The following DLG2 variants were observed in gnomAD, a reference collection of about 807,000 sequenced individuals.
DLG2 encodes the protein disks large homolog 2.
DLG2 carries 45 observed loss-of-function variants against 132.5 expected under a neutral mutation model. The ratio of observed to expected loss-of-function variants is 0.34; its 90% CI spans 0.27 to 0.44. The LOEUF (loss-of-function observed/expected upper bound fraction) is 0.44. DLG2 is among the 20% of genes least tolerant of loss of function. DLG2 has a pLI of 1.00. For missense variants in DLG2, 1,045 were observed against 1,196.9 expected (o/e 0.87, Z 1.87); for synonymous variants, 424 against 419.6 (o/e 1.01, Z -0.13).
At chr11:85,483,306 G>A (rs1032325417) in intron 3 of DLG2, among the ~76,000 whole-genome samples, 1 of 151,792 alleles carries the variant, frequency 6.6e-6, no homozygotes, top group Admixed American at 6.6e-5. Context: ...GTGAGATGAT[G>A]TATTCAAAGT....
intron 6 of DLG2, chr11:84,762,185 C>A (rs1473712114): frequency 6.6e-6 from 1 of 152,118 alleles, no homozygotes; most frequent in Non-Finnish European, 1.5e-5. Context: ...AATAAAAATG[C>A]AATTGCTAAA....
intron 18 of DLG2, among the ~76,000 whole-genome samples, chr11:83,691,072 C>T (rs1006304763): frequency 1.3e-5 from 2 of 152,166 alleles, no homozygotes; most frequent in Admixed American, 6.5e-5. Context: ...GACATGTGCA[C>T]GTTGCAGCTT....
At chr11:83,776,722 C>A (rs1192092385) in intron 18 of DLG2, among the ~76,000 whole-genome samples, 1 of 152,220 alleles carries the variant, frequency 6.6e-6, no homozygotes, top group Non-Finnish European at 1.5e-5. Context: ...CATCCTCTCT[C>A]CTTCAGATAC....
chr11:84,978,487 C>T (rs551213786), intron 6 of DLG2, among the ~76,000 whole-genome samples: 2 of 151,950 alleles, frequency 1.3e-5, no homozygotes, highest in East Asian at 1.9e-4. Flanking sequence ...CAGAACAGAG[C>T]CCTCAGAAAT....
chr11:83,522,812 C>A (rs11825698), intron 21 of DLG2, among the ~76,000 whole-genome samples: 2 of 136,048 alleles, frequency 1.5e-5, no homozygotes, highest in Non-Finnish European at 3.2e-5. Flanking sequence ...GAGCCCCCCC[C>A]CCCTTTTTTT....
intron 6 of DLG2, among the ~76,000 whole-genome samples, chr11:84,763,662 A>C (rs1002941814): frequency 6.6e-6 from 1 of 152,114 alleles, no homozygotes; most frequent in African/African-American, 2.4e-5. Flanking sequence ...CCAACTTCTC[A>C]ATTGGCTCCT....
intron 6 of DLG2, among the ~76,000 whole-genome samples, chr11:84,618,307 C>CA (rs2099608045): frequency 6.6e-6 from 1 of 151,932 alleles, no homozygotes. Context: ...GCAACATGAT[C>CA]AAAATCTATA....
chr11:85,270,749 G>A (rs1474721080), intron 4 of DLG2, among the ~76,000 whole-genome samples: 1 of 152,208 alleles, frequency 6.6e-6, no homozygotes, highest in Non-Finnish European at 1.5e-5. Context: ...TTAGCAAAGA[G>A]ACTGGCAGCA....
chr11:84,548,228 G>C (rs1395868380), intron 6 of DLG2, among the ~76,000 whole-genome samples: 2 of 152,114 alleles, frequency 1.3e-5, no homozygotes, highest in Non-Finnish European at 2.9e-5. Context: ...AGTCAGAGCA[G>C]CTACGGAAGC....
intron 18 of DLG2, among the ~76,000 whole-genome samples, chr11:83,641,030 T>C (rs2066347294): frequency 6.6e-6 from 1 of 152,170 alleles, no homozygotes; most frequent in African/African-American, 2.4e-5. Context: ...CCTACCCCCA[T>C]ACATTGTTGT....
chr11:84,685,712 CT>C (rs767748974), intron 6 of DLG2, among the ~76,000 whole-genome samples: 47 of 146,620 alleles, frequency 3.2e-4, no homozygotes, highest in East Asian at 1.0e-3. Flanking sequence ...TTTCTGTATC[CT>C]TTTTTTTTTT....
intron 3 of DLG2, among the ~76,000 whole-genome samples, chr11:85,395,724 G>C: frequency 1.0e-5 from 1 of 97,582 alleles, no homozygotes; most frequent in African/African-American, 3.1e-5. Context: ...CCATTGCTGA[G>C]GCTTGAGTAG....
At chr11:84,288,315 A>T (rs2097938255) in intron 7 of DLG2, among the ~76,000 whole-genome samples, 1 of 152,004 alleles carries the variant, frequency 6.6e-6, no homozygotes, top group Admixed American at 6.6e-5. Context: ...TTAATAAATA[A>T]ATGTTAGCTA....
At chr11:84,051,340 C>T (rs986774145) in intron 11 of DLG2, among the ~76,000 whole-genome samples, 2 of 151,814 alleles carry the variant, frequency 1.3e-5, no homozygotes, top group Non-Finnish European at 2.9e-5. Flanking sequence ...TTTATTGTGG[C>T]ACTATTCACA....
chr11:84,571,190 T>C (rs2154527756), intron 6 of DLG2, among the ~76,000 whole-genome samples: 1 of 152,232 alleles, frequency 6.6e-6, no homozygotes, highest in Non-Finnish European at 1.5e-5. Context: ...TTTTGAACAG[T>C]TGTTTTCTGC....
At chr11:84,711,209 G>T (rs981022967) in intron 6 of DLG2, among the ~76,000 whole-genome samples, 3 of 151,454 alleles carry the variant, frequency 2.0e-5, no homozygotes, top group South Asian at 2.1e-4. Flanking sequence ...TTGCGTTTAT[G>T]ATTTATCAGC....
At chr11:83,576,833 T>C (rs914892456) in intron 19 of DLG2, among the ~76,000 whole-genome samples, 4 of 152,172 alleles carry the variant, frequency 2.6e-5, no homozygotes, top group Non-Finnish European at 5.9e-5. Context: ...TCTGGATATA[T>C]ATAAAGGAAG....
chr11:85,620,324 C>G (rs1237320456), intron 2 of DLG2, among the ~76,000 whole-genome samples: 5 of 152,308 alleles, frequency 3.3e-5, no homozygotes, highest in Non-Finnish European at 5.9e-5. Context: ...CTCCTCAGGT[C>G]CCCCTATTCC....
intron 6 of DLG2, among the ~76,000 whole-genome samples, chr11:84,827,178 G>A (rs1359573482): frequency 6.6e-6 from 1 of 151,664 alleles, no homozygotes; most frequent in African/African-American, 2.4e-5. Context: ...ATTGACCAAA[G>A]TCACACAGAT....
Sources: gnomAD v4.1 joint callset for allele counts (sites outside exome capture counted in the v4.1 genomes callset) on GRCh38, gnomAD v4.1.1 for gene constraint, MANE v1.5 for transcripts, NCBI Gene and HGNC (gene_info 2026-07-23, HGNC 2026-07-21) for gene names.